Variants in RALYL observed in about 807,000 individuals in gnomAD.
The protein encoded by RALYL is RALY RNA binding protein like.
A neutral mutation model predicts 35.1 loss-of-function variants in RALYL; 29 were observed. That is an observed-to-expected ratio of 0.83 (90% CI 0.61 to 1.13). RALYL has a LOEUF of 1.13. Ranked by LOEUF, RALYL falls within the 50% of genes most tolerant of loss-of-function variation. RALYL has a pLI of 0.00. For missense variants in RALYL, 359 were observed against 360.4 expected (o/e 1.00, Z 0.03); for synonymous variants, 120 against 127.6 (o/e 0.94, Z 0.40).
intron 2 of RALYL, among the ~76,000 whole-genome samples, chr8:84,735,633 A>G (rs1037445757): frequency 3.3e-5 from 5 of 152,014 alleles, no homozygotes; most frequent in Admixed American, 6.6e-5. Flanking sequence ...AACTCAGCCC[A>G]CTTAACTGGA....
rs1273686150 is a variant in RALYL, at chr8:84,887,629, G to C, written c.711G>C (p.Glu237Asp). 6.2e-7 allele frequency: 1 copy of C among 1,609,562 alleles called. No homozygotes were observed. Among genetic ancestry groups the C allele is most frequent in the African/African-American group, 1.3e-5 (1 of 74,692 alleles). ...AAGCTCAGAAGAAGCAATTGGAAGAGAGTCTAGTGCTGATCCAAGAGGAAT... is the reference window on the plus strand; with the variant it reads ...AAGCTCAGAAGAAGCAATTGGAAGACAGTCTAGTGCTGATCCAAGAGGAAT... Reference protein sequence around the residue: ...EAEAQKKQLEESLVLIQEECV... With the variant: ...EAEAQKKQLEDSLVLIQEECV... Residue 237 changes from glutamate to aspartate, a missense_variant, in exon 8 of 9, where the codon GAG (glutamate) becomes GAC (aspartate). Coordinates refer to ENST00000521268, the MANE Select transcript of RALYL (RefSeq NM_173848.7).
intron 1 of RALYL, among the ~76,000 whole-genome samples, chr8:84,415,204 C>CTTTTTTTTTTTTTTTTTTTTTTTTT: frequency 7.7e-6 from 1 of 129,300 alleles, no homozygotes. Flanking sequence ...TGCAGACACT[C>CTTTTTTTTTTTTTTTTTTTTTTTTT]GTTTTTTTTT....
intron 4 of RALYL, among the ~76,000 whole-genome samples, chr8:84,825,483 A>G (rs1363897865): frequency 6.6e-6 from 1 of 152,208 alleles, no homozygotes; most frequent in Admixed American, 6.5e-5. Context: ...CAACCCAGCA[A>G]TCCCATTACG....
chr8:84,462,215 T>C (rs977690980), intron 1 of RALYL, among the ~76,000 whole-genome samples: 8 of 151,696 alleles, frequency 5.3e-5, no homozygotes, highest in African/African-American at 9.7e-5. Context: ...TGTATGTTCA[T>C]TGCTTATTTG....
intron 1 of RALYL, among the ~76,000 whole-genome samples, chr8:84,349,602 C>T (rs1850510222): frequency 6.7e-6 from 1 of 150,346 alleles, no homozygotes; most frequent in Admixed American, 6.6e-5. Context: ...CCCCCACCTA[C>T]CCTTATATTC....
intron 1 of RALYL, among the ~76,000 whole-genome samples, chr8:84,188,943 T>G (rs1264384608): frequency 6.6e-6 from 1 of 152,214 alleles, no homozygotes; most frequent in Non-Finnish European, 1.5e-5. Flanking sequence ...TTTTGAATTA[T>G]CCTGCTATTT....
intron 2 of RALYL, among the ~76,000 whole-genome samples, chr8:84,707,417 T>C (rs757192021): frequency 2.0e-5 from 3 of 152,178 alleles, no homozygotes; most frequent in Non-Finnish European, 4.4e-5. Flanking sequence ...ATCTTTTATA[T>C]ATCCCTCATT....
chr8:84,520,352 T>C (rs965560363), intron 1 of RALYL, among the ~76,000 whole-genome samples: 1 of 152,212 alleles, frequency 6.6e-6, no homozygotes, highest in Admixed American at 6.5e-5. Context: ...CCAGAGAATA[T>C]GGAGAGAATA....
intron 2 of RALYL, among the ~76,000 whole-genome samples, chr8:84,541,384 CATT>C (rs1422543791): frequency 2.6e-5 from 4 of 151,890 alleles, no homozygotes; most frequent in Admixed American, 2.0e-4. Context: ...TTGTTACTGA[CATT>C]ATAATTTTAA....
chr8:84,854,340 G>A (rs531392775), intron 5 of RALYL, among the ~76,000 whole-genome samples: 50 of 148,060 alleles, frequency 3.4e-4, no homozygotes, highest in Non-Finnish European at 5.7e-4. Context: ...GCGAAACTCC[G>A]TCTAAAAAAA....
intron 2 of RALYL, among the ~76,000 whole-genome samples, chr8:84,564,614 G>A (rs996822808): frequency 5.9e-5 from 9 of 151,474 alleles, no homozygotes; most frequent in African/African-American, 1.9e-4. Context: ...TTATCTTCCT[G>A]CTAATCGTTG....
At chr8:84,777,884 G>A (rs985826002) in intron 3 of RALYL, among the ~76,000 whole-genome samples, 1 of 152,070 alleles carries the variant, frequency 6.6e-6, no homozygotes, top group African/African-American at 2.4e-5. Context: ...CTCGTGATCC[G>A]CCCACTTCGG....
intron 1 of RALYL, among the ~76,000 whole-genome samples, chr8:84,453,291 G>A (rs894896990): frequency 6.6e-6 from 1 of 152,010 alleles, no homozygotes; most frequent in African/African-American, 2.4e-5. Flanking sequence ...CTCAAGAGGT[G>A]CTTAACAATT....
At chr8:84,241,862 A>C (rs1827988919) in intron 1 of RALYL, among the ~76,000 whole-genome samples, 1 of 151,288 alleles carries the variant, frequency 6.6e-6, no homozygotes, top group Admixed American at 6.6e-5. Context: ...TCAACTTTTC[A>C]GTTTTGGGGT....
chr8:84,463,899 G>T (rs895317829), intron 1 of RALYL, among the ~76,000 whole-genome samples: 1 of 151,772 alleles, frequency 6.6e-6, no homozygotes, highest in African/African-American at 2.4e-5. Flanking sequence ...TTGTCTCTTT[G>T]TTTTTTATGC....
chr8:84,588,531 C>T (rs939645674), intron 2 of RALYL, among the ~76,000 whole-genome samples: 3 of 152,126 alleles, frequency 2.0e-5, no homozygotes, highest in Admixed American at 2.0e-4. Context: ...ATGTGACTCA[C>T]AAAAAAGCCA....
At chr8:84,797,726 T>C (rs915275736) in intron 3 of RALYL, among the ~76,000 whole-genome samples, 8 of 152,244 alleles carry the variant, frequency 5.3e-5, no homozygotes, top group African/African-American at 1.9e-4. Flanking sequence ...ATCACTAGAT[T>C]TGGACACTAG....
At chr8:84,661,335 A>G (rs1830869151) in intron 2 of RALYL, among the ~76,000 whole-genome samples, 1 of 152,154 alleles carries the variant, frequency 6.6e-6, no homozygotes. Flanking sequence ...CACTCCTCTG[A>G]TAAATCAATT....
chr8:84,296,561 A>G (rs941763060), intron 1 of RALYL, among the ~76,000 whole-genome samples: 4 of 149,584 alleles, frequency 2.7e-5, no homozygotes. Context: ...TGACATGCCG[A>G]GTCACAAGAA....
Sources: gnomAD v4.1 joint callset for allele counts (sites outside exome capture counted in the v4.1 genomes callset) on GRCh38, gnomAD v4.1.1 for gene constraint, MANE v1.5 for transcripts, NCBI Gene and HGNC (gene_info 2026-07-23, HGNC 2026-07-21) for gene names.